AKAP7: variants seen among roughly 807,000 people sequenced by gnomAD.
The protein encoded by AKAP7 is A-kinase anchoring protein 7.
In AKAP7, 39 loss-of-function variants were observed where a neutral mutation model predicts 39.5. The observed-to-expected ratio is 0.99, with a 90% CI of 0.76 to 1.29. AKAP7 has a LOEUF of 1.29. AKAP7 is among the 50% of genes most tolerant of loss of function. The pLI is 0.00. For synonymous variants in AKAP7, 140 were observed against 139.1 expected (o/e 1.01, Z -0.05); for missense variants, 414 against 407.7 (o/e 1.02, Z -0.13).
At chr6:131,201,408 T>G (rs1360986104) in intron 6 of AKAP7, among the ~76,000 whole-genome samples, 1 of 152,224 alleles carries the variant, frequency 6.6e-6, no homozygotes, top group Non-Finnish European at 1.5e-5. Context: ...TTATTTAGAT[T>G]AGAATGCTTA....
intron 5 of AKAP7, among the ~76,000 whole-genome samples, chr6:131,177,695 A>G (rs1804719463): frequency 6.6e-6 from 1 of 152,236 alleles, no homozygotes; most frequent in Admixed American, 6.5e-5. Flanking sequence ...TGGCAGGGAA[A>G]CTGAGGCACA....
At chr6:131,167,308 T>A (rs558128745) in intron 4 of AKAP7, among the ~76,000 whole-genome samples, 4 of 152,270 alleles carry the variant, frequency 2.6e-5, no homozygotes, top group Non-Finnish European at 5.9e-5. Context: ...AATTTACTGA[T>A]TTATACTACT....
At chr6:131,126,061 C>G in the AKAP7 span, among the ~76,000 whole-genome samples, 1 of 152,254 alleles carries the variant, frequency 6.6e-6, no homozygotes, top group African/African-American at 2.4e-5. Context: ...AAGGTGTCCT[C>G]TCTCCAATTG....
intron 7 of AKAP7, among the ~76,000 whole-genome samples, chr6:131,257,367 C>CAAAAA (rs10712918): frequency 5.6e-5 from 5 of 89,612 alleles, no homozygotes; most frequent in Non-Finnish European, 8.7e-5. Context: ...GGCCTTGTCT[C>CAAAAA]AAAAAAAAAA....
chr6:131,210,992 C>T (rs1808592510), intron 6 of AKAP7, among the ~76,000 whole-genome samples: 1 of 152,130 alleles, frequency 6.6e-6, no homozygotes. Context: ...TGGGAATAAG[C>T]TGAATGGATA....
chr6:131,154,870 G>T (rs553134201), intron 2 of AKAP7, among the ~76,000 whole-genome samples: 1 of 152,042 alleles, frequency 6.6e-6, no homozygotes, highest in East Asian at 1.9e-4. Context: ...ATGTGTATGT[G>T]TGTGTTTATT....
chr6:131,271,907 C>G (rs12210171), intron 7 of AKAP7, among the ~76,000 whole-genome samples: 38,943 of 152,116 alleles, frequency 0.26, 5,726 homozygotes, highest in Admixed American at 0.35. Flanking sequence ...GGTAGTGTGT[C>G]TAATGTGTCC....
In AKAP7 at chr6:131,185,994, A is replaced by G. The variant is rs183737911; in HGVS notation, c.590-13467A>G. On this transcript the variant is annotated intron_variant, in intron 5 of 7. Coordinates refer to ENST00000431975, the MANE Select transcript of AKAP7 (RefSeq NM_016377.4). ...ATCCATTTCGAGTTAATTTTTGTAT[A>G]TGGTGTAAGGTGTAAGGGACTAACT... Among the ~76,000 whole-genome samples, 30 of 152,254 alleles carry G rather than the reference A, an allele frequency of 2.0e-4. No individual in the cohort carries two copies. In the East Asian group the frequency reaches 5.4e-3, roughly 27 times the overall value.
rs1815259702 is a variant in AKAP7, at chr6:131,282,234, CTTTA to C, written c.*514_*517del. 2.8e-5 allele frequency: 38 copies of C among 1,341,412 alleles called. No individual in the cohort carries two copies. The highest frequency in any genetic ancestry group is 3.5e-5 in the Non-Finnish European group (37 of 1,052,500). The allele number at this position is 1,341,412 out of a possible 1,614,324, so 83.1% of individuals were successfully genotyped here. A position where few individuals can be genotyped will look rare whatever the true frequency, so the allele number is the denominator to read the frequency against. Reference sequence around the variant, plus strand: ...GTGTGCTGTTGCTATGCAGTGTGATCTTTATTTATAGTAAATTATGTTTCATGTA... The same window carrying C: ...GTGTGCTGTTGCTATGCAGTGTGATCTTTATAGTAAATTATGTTTCATGTA... On this transcript the variant is annotated 3_prime_UTR_variant, in exon 8 of 8. Transcript: ENST00000431975.
chr6:131,260,300 A>C (rs1813208613), intron 7 of AKAP7, among the ~76,000 whole-genome samples: 5 of 152,058 alleles, frequency 3.3e-5, no homozygotes, highest in Admixed American at 3.3e-4. Context: ...AATGATTTAT[A>C]TTTTTTTGGG....
In AKAP7 at chr6:131,184,822, CTG is replaced by C. The variant is rs1378524812; in HGVS notation, c.590-14638_590-14637del. On this transcript the variant is annotated intron_variant, in intron 5 of 7. Coordinates refer to ENST00000431975, the MANE Select transcript of AKAP7 (RefSeq NM_016377.4). ...CAAGTGAGAGTGGGCATAGTGGTAA[CTG>C]AGGCCTGGTCGGTTCTTGTAACGTT... The C allele has an allele frequency of 4.1e-6, 6 of 1,467,742 alleles. No individual in the cohort carries two copies. The Admixed American group carries it at 8.4e-5, about 21-fold the overall frequency. 90.9% of individuals were successfully genotyped at this position (1,467,742 alleles called of 1,614,324 possible).
At chr6:131,161,580 G>A (rs1165435440) in intron 3 of AKAP7, among the ~76,000 whole-genome samples, 1 of 139,158 alleles carries the variant, frequency 7.2e-6, no homozygotes, top group African/African-American at 2.7e-5. Flanking sequence ...AGGAGGCAGA[G>A]GTTGCAGTGA....
At chr6:131,263,490 G>A (rs991549349) in intron 7 of AKAP7, among the ~76,000 whole-genome samples, 1 of 152,222 alleles carries the variant, frequency 6.6e-6, no homozygotes, top group Non-Finnish European at 1.5e-5. Context: ...TATGCAACCT[G>A]TGAGGCAGTA....
the AKAP7 span, among the ~76,000 whole-genome samples, chr6:131,125,836 A>G: frequency 6.6e-6 from 1 of 152,314 alleles, no homozygotes. Flanking sequence ...TCCAATCCTA[A>G]GTATATTAAT....
chr6:131,127,214 T>G, the AKAP7 span, among the ~76,000 whole-genome samples: 985 of 152,036 alleles, frequency 6.5e-3, 5 homozygotes, highest in Admixed American at 0.011. Flanking sequence ...ACCGGTTAAT[T>G]TTTTTGTATT....
intron 7 of AKAP7, among the ~76,000 whole-genome samples, chr6:131,275,209 TA>T (rs1464380758): frequency 6.6e-6 from 1 of 152,252 alleles, no homozygotes; most frequent in Non-Finnish European, 1.5e-5. Context: ...GATTTAATCA[TA>T]ACCTACATTT....
At chr6:131,181,824 C>G (rs904877356) in intron 5 of AKAP7, among the ~76,000 whole-genome samples, 10 of 152,004 alleles carry the variant, frequency 6.6e-5, no homozygotes, top group Non-Finnish European at 1.5e-4. Context: ...AGCCACTGAT[C>G]TTTTTTATTT....
intron 7 of AKAP7, among the ~76,000 whole-genome samples, chr6:131,229,358 G>A (rs968085069): frequency 3.9e-5 from 6 of 152,076 alleles, no homozygotes; most frequent in African/African-American, 1.4e-4. Flanking sequence ...GTTTTGTTTT[G>A]TTTTGAGCTG....
At chr6:131,156,699 A>G (rs773953417) in intron 2 of AKAP7, among the ~76,000 whole-genome samples, 3 of 151,920 alleles carry the variant, frequency 2.0e-5, no homozygotes, top group African/African-American at 4.8e-5. Context: ...CATTTTCCAT[A>G]CTCATAGAAG....
Sources: allele counts gnomAD v4.1 joint callset (sites outside exome capture counted in the v4.1 genomes callset), GRCh38; gene constraint gnomAD v4.1.1; transcripts MANE v1.5; gene names NCBI Gene and HGNC (gene_info 2026-07-23, HGNC 2026-07-21).